Variants in NR3C2 observed in about 807,000 individuals in gnomAD.
NR3C2 encodes the protein nuclear receptor subfamily 3 group C member 2, also known as mineralocorticoid receptor.
In NR3C2, 15 loss-of-function variants were observed where a neutral mutation model predicts 86.4. The observed-to-expected ratio is 0.17, with a 90% CI of 0.12 to 0.27. The LOEUF (loss-of-function observed/expected upper bound fraction) is 0.27. Among genes scored for constraint, NR3C2 ranks in the 10% least tolerant of loss-of-function variants. NR3C2 has a pLI of 1.00. For missense variants in NR3C2, 960 were observed against 1,195.6 expected (o/e 0.80, Z 2.91); for synonymous variants, 458 against 450.5 (o/e 1.02, Z -0.21).
intron 8 of NR3C2, among the ~76,000 whole-genome samples, chr4:148,113,317 T>C (rs768331393): frequency 9.2e-5 from 14 of 152,308 alleles, no homozygotes; most frequent in South Asian, 8.3e-4. Context: ...TTTTGAAAGA[T>C]TGGGTTATTA....
At chr4:148,441,887 A>C (rs1750359785) in intron 1 of NR3C2, among the ~76,000 whole-genome samples, 1 of 152,236 alleles carries the variant, frequency 6.6e-6, no homozygotes, top group Non-Finnish European at 1.5e-5. Context: ...TCTTTGGGTA[A>C]AGGGAAGGGT....
chr4:148,351,760 A>G (rs1298289674), intron 2 of NR3C2, among the ~76,000 whole-genome samples: 1 of 152,236 alleles, frequency 6.6e-6, no homozygotes, highest in Admixed American at 6.5e-5. Context: ...ATTGACTCAC[A>G]GTGATAAACT....
Position 148,385,334 on chromosome 4 carries a change from C to G in NR3C2, c.1757+49770G>C, listed in dbSNP as rs72656884. ...GCCAGACAAGACCTTCAAGGTCAAC[C>G]CTGGCAACAATTAAAAAATAATGAA... On this transcript the variant is annotated intron_variant, in intron 2 of 8. Coordinates refer to ENST00000358102, the MANE Select transcript of NR3C2 (RefSeq NM_000901.5). 6.4e-3 allele frequency among the ~76,000 whole-genome samples: 977 copies of G among 152,276 alleles called. 13 individuals carry two copies. Among genetic ancestry groups the G allele is most frequent in the African/African-American group, 0.022 (931 of 41,546 alleles).
At chr4:148,176,683 A>G (rs891860118) in intron 4 of NR3C2, among the ~76,000 whole-genome samples, 9 of 152,220 alleles carry the variant, frequency 5.9e-5, no homozygotes, top group Non-Finnish European at 1.0e-4. Flanking sequence ...TTCATTTTAA[A>G]GATTAGCTCC....
chr4:148,134,910 G>A (rs1578922159), intron 6 of NR3C2, among the ~76,000 whole-genome samples: 1 of 151,428 alleles, frequency 6.6e-6, no homozygotes, highest in Non-Finnish European at 1.5e-5. Context: ...GCCCCACCTC[G>A]GCTTCCCAAA....
At chr4:148,329,445 A>G (rs957802377) in intron 2 of NR3C2, among the ~76,000 whole-genome samples, 12 of 152,336 alleles carry the variant, frequency 7.9e-5, no homozygotes, top group African/African-American at 2.9e-4. Context: ...TAAGTCATTC[A>G]AAGAACAATT....
chr4:148,134,641 CTCT>C (rs1435117394), intron 6 of NR3C2, among the ~76,000 whole-genome samples: 14 of 60,966 alleles, frequency 2.3e-4, no homozygotes, highest in South Asian at 2.1e-3. Context: ...CTCTCTCTCT[CTCT>C]TTTTTTTTTT....
chr4:148,180,986 C>T (rs185967166), intron 4 of NR3C2, among the ~76,000 whole-genome samples: 3 of 152,262 alleles, frequency 2.0e-5, no homozygotes, highest in East Asian at 1.9e-4. Context: ...TCTGCTGTTG[C>T]TCCTGCTTCC....
chr4:148,273,018 C>A (rs1040552980), intron 2 of NR3C2, among the ~76,000 whole-genome samples: 7 of 152,120 alleles, frequency 4.6e-5, no homozygotes, highest in Admixed American at 3.3e-4. Context: ...TGTCTTCGTG[C>A]CATGTACCGG....
At chr4:148,363,221 T>C (rs1745929009) in intron 2 of NR3C2, among the ~76,000 whole-genome samples, 2 of 152,164 alleles carry the variant, frequency 1.3e-5, no homozygotes, top group Admixed American at 6.5e-5. Context: ...TCCTACAACA[T>C]ATTGCTTTTG....
intron 8 of NR3C2, among the ~76,000 whole-genome samples, chr4:148,088,834 T>A (rs1730937322): frequency 6.6e-6 from 1 of 152,130 alleles, no homozygotes; most frequent in Non-Finnish European, 1.5e-5. Flanking sequence ...CAATTATAAA[T>A]GCAGCACAGC....
intron 2 of NR3C2, among the ~76,000 whole-genome samples, chr4:148,312,257 C>T (rs1487690589): frequency 6.6e-6 from 1 of 151,996 alleles, no homozygotes; most frequent in African/African-American, 2.4e-5. Flanking sequence ...CAAAACTCAT[C>T]ATTTCCCAAT....
chr4:148,395,658 A>G (rs17581975), intron 2 of NR3C2, among the ~76,000 whole-genome samples: 28,947 of 152,194 alleles, frequency 0.19, 3,085 homozygotes, highest in Non-Finnish European at 0.23. Context: ...ATATTGAACC[A>G]TACTCAATGA....
intron 8 of NR3C2, among the ~76,000 whole-genome samples, chr4:148,103,622 G>C: frequency 6.6e-6 from 1 of 152,304 alleles, no homozygotes; most frequent in Non-Finnish European, 1.5e-5. Context: ...TTTCCAACAA[G>C]TTTGAGAGAA....
chr4:148,280,957 T>C (rs1741204135), intron 2 of NR3C2, among the ~76,000 whole-genome samples: 2 of 152,196 alleles, frequency 1.3e-5, no homozygotes, highest in South Asian at 4.1e-4. Context: ...AGTTAGAGCT[T>C]AGCTGAGAAA....
chr4:148,404,538 C>T (rs1748320222), intron 2 of NR3C2, among the ~76,000 whole-genome samples: 1 of 152,034 alleles, frequency 6.6e-6, no homozygotes, highest in South Asian at 2.1e-4. Context: ...TTTAGGTCTC[C>T]TCATAAGCAT....
At chr4:148,203,701 G>A (rs1366534296) in intron 3 of NR3C2, among the ~76,000 whole-genome samples, 3 of 136,788 alleles carry the variant, frequency 2.2e-5, no homozygotes, top group South Asian at 2.2e-4. Flanking sequence ...GAGTTAAGAC[G>A]GTGTCCAACA....
chr4:148,285,167 T>G (rs1741452887), intron 2 of NR3C2, among the ~76,000 whole-genome samples: 1 of 152,184 alleles, frequency 6.6e-6, no homozygotes, highest in African/African-American at 2.4e-5. Flanking sequence ...GGGGGTCTCA[T>G]AAGAATATTT....
chr4:148,379,962 G>A (rs1333339211), intron 2 of NR3C2, among the ~76,000 whole-genome samples: 1 of 152,062 alleles, frequency 6.6e-6, no homozygotes, highest in African/African-American at 2.4e-5. Context: ...ACATTTAAAT[G>A]ATTCTTGCAT....
Sources: allele counts gnomAD v4.1 joint callset (sites outside exome capture counted in the v4.1 genomes callset), GRCh38; gene constraint gnomAD v4.1.1; transcripts MANE v1.5; gene names NCBI Gene and HGNC (gene_info 2026-07-23, HGNC 2026-07-21).